Variants in ADAMTSL1 observed in about 807,000 individuals in gnomAD.
ADAMTSL1 encodes ADAMTS-like protein 1.
A neutral mutation model predicts 201.8 loss-of-function variants in ADAMTSL1; 126 were observed. That is an observed-to-expected ratio of 0.62 (90% CI 0.54 to 0.72). The LOEUF (loss-of-function observed/expected upper bound fraction) is 0.72. Ranked by LOEUF, ADAMTSL1 falls within the 30% of genes least tolerant of loss-of-function variation. The pLI is 0.00. For synonymous variants in ADAMTSL1, 1,121 were observed against 903.4 expected, an observed-to-expected ratio of 1.24 and a Z score of -4.32; for missense variants, 2,679 against 2,277.8, an observed-to-expected ratio of 1.18 and a Z score of -3.59.
At chr9:18,745,981 A>G (rs1002689199) in intron 15 of ADAMTSL1, among the ~76,000 whole-genome samples, 5 of 152,210 alleles carry the variant, frequency 3.3e-5, no homozygotes, top group Non-Finnish European at 7.3e-5. Context: ...ACAAAGTGGA[A>G]GAGGAAAGGA....
At chr9:18,554,003 A>G (rs1222108716) in intron 3 of ADAMTSL1, among the ~76,000 whole-genome samples, 1 of 151,808 alleles carries the variant, frequency 6.6e-6, no homozygotes, top group Non-Finnish European at 1.5e-5. Flanking sequence ...TTAGTCTGTT[A>G]TTAATGCTTT....
intron 1 of ADAMTSL1, among the ~76,000 whole-genome samples, chr9:18,118,641 G>C (rs1263383456): frequency 6.6e-6 from 1 of 152,138 alleles, no homozygotes; most frequent in African/African-American, 2.4e-5. Context: ...GCATGGCCAA[G>C]TATTAGAATC....
chr9:18,733,601 C>G (rs1280854624), intron 15 of ADAMTSL1, among the ~76,000 whole-genome samples: 1 of 151,728 alleles, frequency 6.6e-6, no homozygotes, highest in South Asian at 2.1e-4. Context: ...GATGCTTGTT[C>G]ATGTTGTAAA....
At chr9:18,434,080 G>A (rs1432018529) in intron 2 of ADAMTSL1, among the ~76,000 whole-genome samples, 1 of 152,210 alleles carries the variant, frequency 6.6e-6, no homozygotes, top group Non-Finnish European at 1.5e-5. Context: ...ATAGCTCGTA[G>A]ATCATAGCTT....
chr9:18,621,188 T>C (rs1373302269), intron 4 of ADAMTSL1, among the ~76,000 whole-genome samples: 1 of 152,214 alleles, frequency 6.6e-6, no homozygotes, highest in East Asian at 1.9e-4. Flanking sequence ...TTGATCTAAC[T>C]AGAACTGTAA....
At chr9:17,932,069 A>C (rs1308544447) in intron 1 of ADAMTSL1, among the ~76,000 whole-genome samples, 1 of 152,182 alleles carries the variant, frequency 6.6e-6, no homozygotes, top group East Asian at 1.9e-4. Flanking sequence ...TGTGTTTGGC[A>C]ACATGCCATT....
intron 1 of ADAMTSL1, among the ~76,000 whole-genome samples, chr9:18,503,435 A>G (rs986230914): frequency 6.7e-6 from 1 of 148,252 alleles, no homozygotes; most frequent in Non-Finnish European, 1.5e-5. Context: ...ATATATATAT[A>G]TATATACCAC....
intron 2 of ADAMTSL1, among the ~76,000 whole-genome samples, chr9:18,177,504 A>T (rs1256777772): frequency 6.6e-6 from 1 of 152,148 alleles, no homozygotes; most frequent in Non-Finnish European, 1.5e-5. Context: ...TGTAAAAGAA[A>T]CTTTCCAGAG....
intron 2 of ADAMTSL1, among the ~76,000 whole-genome samples, chr9:18,327,988 T>C (rs1283024704): frequency 1.3e-5 from 2 of 152,164 alleles, no homozygotes; most frequent in Non-Finnish European, 2.9e-5. Flanking sequence ...ATATACTCTA[T>C]TGTAAGAAAA....
intron 8 of ADAMTSL1, among the ~76,000 whole-genome samples, chr9:18,659,402 A>G (rs906904929): frequency 6.6e-6 from 1 of 152,246 alleles, no homozygotes; most frequent in Non-Finnish European, 1.5e-5. Flanking sequence ...ATAAAAAACT[A>G]TCAATTCAAC....
At chr9:18,244,453 A>G (rs1378748915) in intron 2 of ADAMTSL1, among the ~76,000 whole-genome samples, 2 of 152,008 alleles carry the variant, frequency 1.3e-5, no homozygotes, top group African/African-American at 4.8e-5. Context: ...CACATTTTTC[A>G]TCCCACACCC....
intron 2 of ADAMTSL1, among the ~76,000 whole-genome samples, chr9:18,181,669 A>C (rs1828484709): frequency 6.6e-6 from 1 of 152,064 alleles, no homozygotes; most frequent in African/African-American, 2.4e-5. Flanking sequence ...AGAAATAGGA[A>C]CACTTTTACA....
At chr9:18,177,624 A>G (rs762267846) in intron 2 of ADAMTSL1, among the ~76,000 whole-genome samples, 3 of 152,186 alleles carry the variant, frequency 2.0e-5, no homozygotes, top group East Asian at 1.9e-4. Flanking sequence ...GTGATCCAAA[A>G]TGGCACCAGA....
chr9:18,832,249 G>A (rs538002773), intron 23 of ADAMTSL1, among the ~76,000 whole-genome samples: 1 of 152,252 alleles, frequency 6.6e-6, no homozygotes, highest in South Asian at 2.1e-4. Context: ...TAGTCCAGTG[G>A]CTCCCATCTG....
intron 2 of ADAMTSL1, among the ~76,000 whole-genome samples, chr9:18,404,205 T>C (rs536710958): frequency 7.9e-5 from 12 of 152,360 alleles, no homozygotes; most frequent in Admixed American, 5.9e-4. Flanking sequence ...GATAAGTTTA[T>C]GCTTTTTTAA....
At chr9:18,154,847 T>C (rs536011437) in intron 1 of ADAMTSL1, among the ~76,000 whole-genome samples, 1 of 152,202 alleles carries the variant, frequency 6.6e-6, no homozygotes, top group Non-Finnish European at 1.5e-5. Flanking sequence ...TCCCCTTTCT[T>C]AGGCATTTTC....
chr9:18,688,697 T>A lies in ADAMTSL1; in HGVS notation c.1574+3897T>A, dbSNP rs865860133. The stretch of plus-strand genomic sequence containing the variant: ...AAAAAAAAAAAAAAAAAAATATATA[T>A]ATATATATATATGACTGTGACTAAG... On this transcript the variant is annotated intron_variant, in intron 13 of 28. Transcript: ENST00000380548. Among the ~76,000 whole-genome samples the A allele has an allele frequency of 2.3e-3, 137 of 59,752 alleles. 4 individuals carry two copies. The highest frequency in any genetic ancestry group is 3.4e-3 in the Non-Finnish European group (99 of 29,320). 39.2% of individuals were successfully genotyped at this position (59,752 alleles called of 152,430 possible). A position where few individuals can be genotyped will look rare whatever the true frequency, so the allele number is the denominator to read the frequency against.
At chr9:18,545,261 G>T (rs959843663) in intron 3 of ADAMTSL1, among the ~76,000 whole-genome samples, 1 of 152,084 alleles carries the variant, frequency 6.6e-6, no homozygotes, top group Non-Finnish European at 1.5e-5. Context: ...AAGGAAATTG[G>T]AACATTTAAA....
intron 1 of ADAMTSL1, among the ~76,000 whole-genome samples, chr9:18,142,641 C>A (rs1451259749): frequency 1.3e-5 from 2 of 152,142 alleles, no homozygotes; most frequent in African/African-American, 4.8e-5. Flanking sequence ...TAGCAAGAGG[C>A]AGATTTTTAA....
Sources: gnomAD v4.1 joint callset for allele counts (sites outside exome capture counted in the v4.1 genomes callset) on GRCh38, gnomAD v4.1.1 for gene constraint, MANE v1.5 for transcripts, NCBI Gene and HGNC (gene_info 2026-07-23, HGNC 2026-07-21) for gene names.